USH2A: variants seen among roughly 807,000 people sequenced by gnomAD.
USH2A encodes the protein Usher syndrome 2A (autosomal recessive, mild).
Under a neutral mutation model 538.9 loss-of-function variants are expected in USH2A, and 443 were observed. That is an observed-to-expected ratio of 0.82 (90% CI 0.76 to 0.89). USH2A has a LOEUF of 0.89. Ranked by LOEUF, USH2A falls within the 40% of genes least tolerant of loss-of-function variation. The pLI is 0.00. For missense variants in USH2A, 6,633 were observed against 6,324.8 expected, an observed-to-expected ratio of 1.05 and a Z score of -1.65; for synonymous variants, 2,413 against 2,273.5, an observed-to-expected ratio of 1.06 and a Z score of -1.75.
At chr1:216,246,526 C>G in intron 13 of USH2A, 59 bp downstream of exon 13, 1 of 1,611,952 alleles carries the variant, frequency 6.2e-7, no homozygotes, top group Non-Finnish European at 8.5e-7. Context: ...GGAGAAGTTA[C>G]CTAAGTTAAC....
At chr1:216,178,106 A>G (rs539871260) in intron 20 of USH2A, among the ~76,000 whole-genome samples, 1 of 152,256 alleles carries the variant, frequency 6.6e-6, no homozygotes, top group African/African-American at 2.4e-5. Context: ...TACTTTTTAG[A>G]CCTTCGGCCA....
At chr1:215,670,884 G>T in intron 64 of USH2A, 88 bp downstream of exon 64, 2 of 1,332,080 alleles carry the variant, frequency 1.5e-6, no homozygotes, top group Non-Finnish European at 2.1e-6. Flanking sequence ...TTCTTTAAGT[G>T]CCTTTTCAAA....
chr1:216,336,992 T>C (rs999297493), intron 4 of USH2A, among the ~76,000 whole-genome samples: 1 of 151,388 alleles, frequency 6.6e-6, no homozygotes, highest in Non-Finnish European at 1.5e-5. Flanking sequence ...AAGGTAGAAG[T>C]TGAAAGAGCT....
intron 3 of USH2A, among the ~76,000 whole-genome samples, chr1:216,391,843 T>C (rs902560626): frequency 6.6e-6 from 1 of 152,232 alleles, no homozygotes; most frequent in Non-Finnish European, 1.5e-5. Context: ...GTCTTAATCC[T>C]ATATTGAACC....
In USH2A at chr1:215,848,813, A is replaced by G. The variant is rs76354654; in HGVS notation, c.8846-2780T>C. Among the ~76,000 whole-genome samples, 571 of 152,346 alleles carry G rather than the reference A, an allele frequency of 3.7e-3. 3 individuals carry two copies. The highest frequency in any genetic ancestry group is 0.013 in the African/African-American group (550 of 41,574). On this transcript the variant is annotated intron_variant, in intron 44 of 71. Transcript: ENST00000307340. ...TGTAGAAACACATACAATTTTATAC[A>G]TGTTCCTGGTTATCACATGAGAAGT...
Position 216,073,360 on chromosome 1 carries a change from T to G in USH2A, c.5573-60A>C, listed in dbSNP as rs76916412. ...GGCTTGAGTCATTAATTACCAATCA[T>G]TTTTGTCCTCTGCAGCACTACATTT... On this transcript the variant is annotated intron_variant, in intron 27 of 71. Transcript: ENST00000307340. 2,176 of 1,565,208 alleles carry G rather than the reference T, an allele frequency of 1.4e-3. 30 individuals carry two copies. The African/African-American group carries it at 0.025, about 18-fold the overall frequency.
At chr1:216,291,216 T>C (rs997039588) in intron 10 of USH2A, among the ~76,000 whole-genome samples, 4 of 152,150 alleles carry the variant, frequency 2.6e-5, no homozygotes, top group African/African-American at 9.7e-5. Context: ...CCTTCCTTCC[T>C]AATATCTCTT....
intron 40 of USH2A, among the ~76,000 whole-genome samples, chr1:215,899,689 A>G (rs1665440159): frequency 1.3e-5 from 2 of 152,178 alleles, no homozygotes; most frequent in African/African-American, 4.8e-5. Context: ...AAGCAGCCTC[A>G]TGAAGTAAGG....
intron 38 of USH2A, among the ~76,000 whole-genome samples, chr1:215,910,883 A>G (rs1221074063): frequency 1.3e-5 from 2 of 151,924 alleles, no homozygotes; most frequent in Non-Finnish European, 2.9e-5. Flanking sequence ...CTCTGGATAC[A>G]TTATTTGTAA....
chr1:215,829,823 G>T (rs1486436963), intron 47 of USH2A, among the ~76,000 whole-genome samples: 1 of 152,104 alleles, frequency 6.6e-6, no homozygotes, highest in Non-Finnish European at 1.5e-5. Context: ...CCAATATTTG[G>T]TTATGAATGA....
At chr1:216,088,933 T>C (rs1346774482) in intron 23 of USH2A, 80 bp downstream of exon 23, 6 of 1,580,548 alleles carry the variant, frequency 3.8e-6, no homozygotes, top group East Asian at 2.2e-5. Context: ...GAAATAAGAA[T>C]GTAGGAATAT....
intron 61 of USH2A, among the ~76,000 whole-genome samples, chr1:215,714,163 G>A (rs189756950): frequency 6.6e-6 from 1 of 152,328 alleles, no homozygotes; most frequent in East Asian, 1.9e-4. Context: ...CCTTTTAGGT[G>A]AAATAAGAAG....
intron 34 of USH2A, among the ~76,000 whole-genome samples, chr1:215,995,898 C>A (rs17025847): frequency 6.6e-6 from 1 of 151,954 alleles, no homozygotes; most frequent in Non-Finnish European, 1.5e-5. Context: ...TAAGACAATC[C>A]AAAACTAGCA....
At chr1:216,303,995 G>A (rs1364161573) in intron 9 of USH2A, among the ~76,000 whole-genome samples, 1 of 151,790 alleles carries the variant, frequency 6.6e-6, no homozygotes, top group Non-Finnish European at 1.5e-5. Context: ...TTTAGTAGTA[G>A]CATGAGTATT....
chr1:216,149,394 G>A (rs183759097), intron 21 of USH2A, among the ~76,000 whole-genome samples: 36 of 152,216 alleles, frequency 2.4e-4, no homozygotes, highest in Middle Eastern at 3.4e-3. Context: ...CAGGCTCTTG[G>A]TATTCAGTGG....
At chr1:215,814,600 C>T (rs1662804980) in intron 48 of USH2A, among the ~76,000 whole-genome samples, 1 of 152,002 alleles carries the variant, frequency 6.6e-6, no homozygotes, top group Non-Finnish European at 1.5e-5. Context: ...AAGAGTGTGG[C>T]AGCTCTCCCC....
intron 47 of USH2A, among the ~76,000 whole-genome samples, chr1:215,817,995 C>G (rs1435929201): frequency 6.6e-6 from 1 of 151,946 alleles, no homozygotes; most frequent in Non-Finnish European, 1.5e-5. Flanking sequence ...TGATCCACTT[C>G]CACTTAATGA....
chr1:216,077,384 T>C (rs1360446965), intron 27 of USH2A, among the ~76,000 whole-genome samples: 1 of 152,020 alleles, frequency 6.6e-6, no homozygotes, highest in Non-Finnish European at 1.5e-5. Context: ...ACATTTTTTT[T>C]CCACATGAAA....
intron 37 of USH2A, among the ~76,000 whole-genome samples, chr1:215,950,726 G>C (rs1666891729): frequency 6.6e-6 from 1 of 151,634 alleles, no homozygotes; most frequent in Non-Finnish European, 1.5e-5. Context: ...TGGACAGGCT[G>C]GTCTTGAACT....
Sources: allele counts gnomAD v4.1 joint callset (sites outside exome capture counted in the v4.1 genomes callset), GRCh38; gene constraint gnomAD v4.1.1; transcripts MANE v1.5; gene names NCBI Gene and HGNC (gene_info 2026-07-23, HGNC 2026-07-21).